Variants in ATP1B3 observed in about 807,000 individuals in gnomAD.
ATP1B3 encodes the protein ATPase Na+/K+ transporting subunit beta 3.
Under a neutral mutation model 30.2 loss-of-function variants are expected in ATP1B3, and 10 were observed. The ratio of observed to expected loss-of-function variants is 0.33; its 90% CI spans 0.20 to 0.56. ATP1B3 has a LOEUF of 0.56. ATP1B3 is among the 20% of genes least tolerant of loss of function. The probability of loss-of-function intolerance (pLI) is 0.90; values close to 1 mark genes in which losing one functional copy is unlikely to be tolerated. For synonymous variants in ATP1B3, 113 were observed against 117.0 expected, an observed-to-expected ratio of 0.97 and a Z score of 0.22; for missense variants, 238 against 336.7, an observed-to-expected ratio of 0.71 and a Z score of 2.29.
chr3:141,889,170 C>T (rs1271024438), intron 1 of ATP1B3, among the ~76,000 whole-genome samples: 1 of 152,108 alleles, frequency 6.6e-6, no homozygotes, highest in African/African-American at 2.4e-5. Flanking sequence ...GTCTGCCCCC[C>T]ATGATTCAGT....
At chr3:141,913,373 A>G (rs991656954) in intron 3 of ATP1B3, among the ~76,000 whole-genome samples, 2 of 152,148 alleles carry the variant, frequency 1.3e-5, no homozygotes, top group African/African-American at 4.8e-5. Context: ...GAAGGCATTC[A>G]GATAATGCTT....
intron 1 of ATP1B3, among the ~76,000 whole-genome samples, chr3:141,877,190 C>G (rs1156680986): frequency 6.7e-6 from 1 of 148,594 alleles, no homozygotes; most frequent in Admixed American, 6.7e-5. Flanking sequence ...CACGTGCTGC[C>G]CGGGCCTCCC....
chr3:141,907,315 A>G (rs368376486), intron 3 of ATP1B3, 41 bp downstream of exon 3: 31 of 1,542,814 alleles, frequency 2.0e-5, no homozygotes, highest in East Asian at 2.3e-5. Flanking sequence ...GATTTTAGTT[A>G]TAGAAATTAG....
intron 1 of ATP1B3, among the ~76,000 whole-genome samples, chr3:141,877,361 C>G (rs1933625892): frequency 1.3e-5 from 2 of 152,276 alleles, no homozygotes; most frequent in South Asian, 2.1e-4. Context: ...CAGACCCTGC[C>G]CCACTCCAGG....
intron 1 of ATP1B3, among the ~76,000 whole-genome samples, chr3:141,897,068 C>T (rs1177048901): frequency 6.6e-6 from 1 of 152,092 alleles, no homozygotes; most frequent in Non-Finnish European, 1.5e-5. Flanking sequence ...CTCCCTGTTC[C>T]CACTTCAAGC....
At chr3:141,915,219 G>T (rs553394525) in intron 4 of ATP1B3, among the ~76,000 whole-genome samples, 2 of 152,302 alleles carry the variant, frequency 1.3e-5, no homozygotes, top group Non-Finnish European at 2.9e-5. Flanking sequence ...GCATGGCTTT[G>T]TCAGGAGGAC....
chr3:141,876,897 C>G lies in ATP1B3; in HGVS notation c.96C>G (p.Thr32=). 6.3e-7 allele frequency: 1 copy of G among 1,579,722 alleles called. No homozygotes were observed. The highest frequency in any genetic ancestry group is 8.6e-7 in the Non-Finnish European group (1 of 1,163,564). ...CCACCGGAGAATTCCTGGGGCGCACCGCCAAGAGCTGGGGTGAGCGGGCAG... is the reference window on the plus strand; with the variant it reads ...CCACCGGAGAATTCCTGGGGCGCACGGCCAAGAGCTGGGGTGAGCGGGCAG... The part of the protein sequence containing the change: ...NPTTGEFLGR[T]AKSWGLILLF... Residue 32 remains threonine (T), a synonymous_variant, in exon 1 of 7, where the codon ACC becomes ACG. Coordinates refer to ENST00000286371, the MANE Select transcript of ATP1B3 (RefSeq NM_001679.4).
chr3:141,907,342 G>T, intron 3 of ATP1B3, 68 bp downstream of exon 3: 1 of 1,263,406 alleles, frequency 7.9e-7, no homozygotes, highest in Non-Finnish European at 1.1e-6. Context: ...ATTGTGGGCC[G>T]GGCACGGTAG....
At chr3:141,894,766 G>T (rs1055787388) in intron 1 of ATP1B3, among the ~76,000 whole-genome samples, 2 of 152,174 alleles carry the variant, frequency 1.3e-5, no homozygotes, top group Non-Finnish European at 2.9e-5. Flanking sequence ...CCTCCTGAAG[G>T]ATTGCCTGAG....
At chr3:141,879,127 T>C (rs933124383) in intron 1 of ATP1B3, among the ~76,000 whole-genome samples, 1 of 152,222 alleles carries the variant, frequency 6.6e-6, no homozygotes, top group Non-Finnish European at 1.5e-5. Flanking sequence ...CATTCTGGTA[T>C]ATATGTTACT....
Position 141,876,890 on chromosome 3 carries a change from G to T in ATP1B3, c.89G>T (p.Gly30Val). 6.3e-7 allele frequency: 1 copy of T among 1,581,572 alleles called. No homozygotes were observed. The stretch of plus-strand genomic sequence containing the variant: ...AACCCGACCACCGGAGAATTCCTGG[G>T]GCGCACCGCCAAGAGCTGGGGTGAG... ...IYNPTTGEFL[G>V]RTAKSWGLIL... The change falls in exon 1 of 7, where the codon GGG becomes GTG. Residue 30 changes from glycine (G) to valine (V), a missense_variant. Gly to Val is a moderately radical substitution (Grantham distance 109, BLOSUM62 -3). Coordinates refer to ENST00000286371, the MANE Select transcript of ATP1B3 (RefSeq NM_001679.4).
In ATP1B3 at chr3:141,906,577, T is replaced by G. The variant is rs189929846; in HGVS notation, c.239-590T>G. On this transcript the variant is annotated intron_variant, in intron 2 of 6. Coordinates refer to ENST00000286371, the MANE Select transcript of ATP1B3 (RefSeq NM_001679.4). The stretch of plus-strand genomic sequence containing the variant: ...GTAAGCTTAAGCAACATGGTCTGTA[T>G]TACATGGGTGTCAACTTCTGATAGG... Among the ~76,000 whole-genome samples the G allele has an allele frequency of 2.0e-3, 303 of 152,354 alleles. 2 individuals are homozygous for G. The highest frequency in any genetic ancestry group is 6.9e-3 in the African/African-American group (288 of 41,574).
chr3:141,880,654 G>A (rs1228598088), intron 1 of ATP1B3, among the ~76,000 whole-genome samples: 4 of 151,734 alleles, frequency 2.6e-5, no homozygotes, highest in Non-Finnish European at 5.9e-5. Context: ...TTACCTAATA[G>A]GTTCATTCTA....
chr3:141,922,260 A>G (rs773080985), intron 6 of ATP1B3, 197 bp downstream of exon 6: 6 of 434,774 alleles, frequency 1.4e-5, no homozygotes, highest in African/African-American at 2.1e-5. Context: ...ACCCAAGCAG[A>G]TACGTTAAAG....
chr3:141,909,755 G>C (rs920224361), intron 3 of ATP1B3, among the ~76,000 whole-genome samples: 3 of 152,186 alleles, frequency 2.0e-5, no homozygotes, highest in African/African-American at 7.2e-5. Flanking sequence ...GGCTTTTACA[G>C]TGACCATGAT....
At chr3:141,894,822 TAAC>T (rs1345572906) in intron 1 of ATP1B3, among the ~76,000 whole-genome samples, 2 of 152,172 alleles carry the variant, frequency 1.3e-5, no homozygotes, top group Non-Finnish European at 2.9e-5. Flanking sequence ...CACTATAAAA[TAAC>T]AACAAAAAGT....
intron 2 of ATP1B3, among the ~76,000 whole-genome samples, chr3:141,904,927 T>C (rs974507908): frequency 6.6e-6 from 1 of 151,922 alleles, no homozygotes; most frequent in African/African-American, 2.4e-5. Flanking sequence ...GCCAGGCTGG[T>C]CTCGAACTCC....
chr3:141,925,330 G>A (rs901481816), intron 6 of ATP1B3, among the ~76,000 whole-genome samples: 38 of 152,220 alleles, frequency 2.5e-4, no homozygotes, highest in African/African-American at 8.9e-4. Flanking sequence ...GGCTGTGGCG[G>A]CATGTGCCTA....
At position 141,912,341 on chromosome 3, in the gene ATP1B3, C is replaced by T. The variant is rs368319882; in HGVS notation, c.347-1311C>T. Among the ~76,000 whole-genome samples the T allele has an allele frequency of 5.9e-5, 9 of 152,092 alleles. No individual in the cohort carries two copies. The East Asian group carries it at 9.6e-4, about 16-fold the overall frequency. On this transcript the variant is annotated intron_variant, in intron 3 of 6. Transcript: ENST00000286371. The stretch of plus-strand genomic sequence containing the variant: ...CCAGGCTGGAGTGCAGTGGCAACCT[C>T]CGCCCTCTGAGTTCAAGCGATTCTC...
Sources: gnomAD v4.1 joint callset for allele counts (sites outside exome capture counted in the v4.1 genomes callset) on GRCh38, gnomAD v4.1.1 for gene constraint, MANE v1.5 for transcripts, NCBI Gene and HGNC (gene_info 2026-07-23, HGNC 2026-07-21) for gene names.